Variants in ELP4 observed in about 807,000 individuals in gnomAD.
ELP4 encodes the protein elongator complex protein 4.
Under a neutral mutation model 48.9 loss-of-function variants are expected in ELP4, and 51 were observed. The observed-to-expected ratio is 1.04, with a 90% confidence interval of 0.83 to 1.32. ELP4 has a LOEUF of 1.32. Among genes scored for constraint, ELP4 ranks in the 40% most tolerant of loss-of-function variants. The pLI is 0.00. For synonymous variants in ELP4, 210 were observed against 189.2 expected, an observed-to-expected ratio of 1.11 and a Z score of -0.90; for missense variants, 519 against 514.6, an observed-to-expected ratio of 1.01 and a Z score of -0.08.
intron 9 of ELP4, among the ~76,000 whole-genome samples, chr11:31,779,286 G>T (rs1477199758): frequency 2.6e-5 from 4 of 152,190 alleles, no homozygotes; most frequent in Non-Finnish European, 5.9e-5. Flanking sequence ...TTATTTTAAT[G>T]AGTATTTACC....
chr11:31,579,808 A>G (rs955633938), intron 3 of ELP4, among the ~76,000 whole-genome samples: 5 of 150,328 alleles, frequency 3.3e-5, no homozygotes, highest in African/African-American at 9.8e-5. Context: ...GGGGTGAGGG[A>G]TAGCATTAGG....
chr11:31,510,134 G>T, intron 1 of ELP4, 127 bp downstream of exon 1: 1 of 845,380 alleles, frequency 1.2e-6, no homozygotes, highest in Non-Finnish European at 1.8e-6. Flanking sequence ...AGAATAGCCT[G>T]GTCTGATTGA....
intron 7 of ELP4, chr11:31,633,347 G>T (rs1944905472): frequency 6.6e-6 from 1 of 152,056 alleles, no homozygotes; most frequent in African/African-American, 2.4e-5. Context: ...CCAGCACTTT[G>T]GGAGGCTGAG....
At chr11:31,556,601 T>C (rs1466085000) in intron 3 of ELP4, among the ~76,000 whole-genome samples, 2 of 151,916 alleles carry the variant, frequency 1.3e-5, no homozygotes, top group African/African-American at 2.4e-5. Flanking sequence ...TAAATGCTGT[T>C]TCATAATATG....
intron 5 of ELP4, among the ~76,000 whole-genome samples, chr11:31,611,721 G>C (rs1422879672): frequency 6.6e-6 from 1 of 152,210 alleles, no homozygotes; most frequent in Non-Finnish European, 1.5e-5. Context: ...GATTATTGTA[G>C]TGAACAAAGC....
chr11:31,594,283 G>A (rs1957637255), intron 3 of ELP4, among the ~76,000 whole-genome samples: 1 of 152,114 alleles, frequency 6.6e-6, no homozygotes, highest in Admixed American at 6.5e-5. Flanking sequence ...AGCATTTGAT[G>A]TAGGTAAAAT....
At chr11:31,777,621 G>GC in intron 9 of ELP4, among the ~76,000 whole-genome samples, 1 of 152,248 alleles carries the variant, frequency 6.6e-6, no homozygotes, top group Non-Finnish European at 1.5e-5. Flanking sequence ...AGCCTCCCTT[G>GC]CAGCTAGATG....
At chr11:31,543,246 C>G (rs1192865458) in intron 3 of ELP4, among the ~76,000 whole-genome samples, 2 of 152,098 alleles carry the variant, frequency 1.3e-5, no homozygotes, top group African/African-American at 4.8e-5. Flanking sequence ...GAAAGTATTA[C>G]AGAAATAATG....
At chr11:31,603,056 T>C (rs1325320611) in intron 4 of ELP4, among the ~76,000 whole-genome samples, 1 of 151,906 alleles carries the variant, frequency 6.6e-6, no homozygotes, top group South Asian at 2.1e-4. Context: ...GAGTTTCTTA[T>C]AAGAAAGATA....
At chr11:31,666,691 CAA>C (rs11285658) in intron 9 of ELP4, among the ~76,000 whole-genome samples, 145 of 104,802 alleles carry the variant, frequency 1.4e-3, no homozygotes, top group Admixed American at 1.6e-3. Context: ...GATTCTGTCT[CAA>C]AAAAAAAAAA....
At chr11:31,564,285 A>G (rs1957069056) in intron 3 of ELP4, among the ~76,000 whole-genome samples, 1 of 152,082 alleles carries the variant, frequency 6.6e-6, no homozygotes, top group East Asian at 1.9e-4. Context: ...TGAATTATGA[A>G]TAGTAATACT....
intron 9 of ELP4, among the ~76,000 whole-genome samples, chr11:31,742,399 C>T (rs1947476567): frequency 6.6e-6 from 1 of 152,126 alleles, no homozygotes; most frequent in South Asian, 2.1e-4. Flanking sequence ...CAGAGAAAGC[C>T]ACAAAGATAC....
intron 4 of ELP4, 106 bp from the exon 5 acceptor site, chr11:31,603,662 T>A: frequency 8.4e-7 from 1 of 1,189,958 alleles, no homozygotes; most frequent in Non-Finnish European, 1.2e-6. Flanking sequence ...TTCTTCCTTA[T>A]TAGCTTAAAA....
intron 2 of ELP4, among the ~76,000 whole-genome samples, chr11:31,522,682 C>G (rs1005953839): frequency 1.3e-5 from 2 of 152,126 alleles, no homozygotes; most frequent in Non-Finnish European, 2.9e-5. Context: ...TTCATTGCAG[C>G]ATGTTAAATT....
rs371057602 is a variant in ELP4, at chr11:31,629,745, G to A, written c.739-2472G>A. Among the ~76,000 whole-genome samples, 105 of 147,912 alleles carry A rather than the reference G, an allele frequency of 7.1e-4. 1 individual carries two copies. Among genetic ancestry groups the A allele is most frequent in the African/African-American group, 2.3e-3 (93 of 40,420 alleles). On this transcript the variant is annotated intron_variant, in intron 6 of 9. Transcript: ENST00000640961. Reference sequence around the variant, plus strand: ...TATCCTGCTCTCCTTTTACCTTTGCGTTTCATTGTACTATCTAGATTTTTT... The same window carrying A: ...TATCCTGCTCTCCTTTTACCTTTGCATTTCATTGTACTATCTAGATTTTTT...
intron 7 of ELP4, among the ~76,000 whole-genome samples, chr11:31,638,237 G>T (rs1945021675): frequency 6.6e-6 from 1 of 151,814 alleles, no homozygotes; most frequent in Non-Finnish European, 1.5e-5. Context: ...CATAGAATAT[G>T]TCAGTATGTT....
At chr11:31,595,616 A>G (rs1957657099) in intron 4 of ELP4, among the ~76,000 whole-genome samples, 1 of 152,208 alleles carries the variant, frequency 6.6e-6, no homozygotes, top group Non-Finnish European at 1.5e-5. Context: ...AAATATGTGT[A>G]TGATACCTTT....
At chr11:31,690,983 C>A (rs969173611) in intron 9 of ELP4, among the ~76,000 whole-genome samples, 1 of 152,056 alleles carries the variant, frequency 6.6e-6, no homozygotes, top group African/African-American at 2.4e-5. Context: ...TAAAGAATAG[C>A]TGCTTTTGGC....
At chr11:31,603,331 G>C (rs190288915) in intron 4 of ELP4, among the ~76,000 whole-genome samples, 2 of 151,932 alleles carry the variant, frequency 1.3e-5, no homozygotes, top group East Asian at 3.9e-4. Flanking sequence ...TAAATAGCTA[G>C]TTTCTTTTGG....
Sources: allele counts gnomAD v4.1 joint callset (sites outside exome capture counted in the v4.1 genomes callset), GRCh38; gene constraint gnomAD v4.1.1; transcripts MANE v1.5; gene names NCBI Gene and HGNC (gene_info 2026-07-23, HGNC 2026-07-21).